The following DRC1 variants were observed in gnomAD, a reference collection of about 807,000 sequenced individuals.
DRC1 encodes the protein dynein regulatory complex subunit 1.
In DRC1, 74 loss-of-function variants were observed where a neutral mutation model predicts 98.7. The observed-to-expected ratio is 0.75, with a 90% CI of 0.62 to 0.91. The LOEUF (loss-of-function observed/expected upper bound fraction) is 0.91, where lower values mean the gene tolerates loss of function less well. Ranked by LOEUF, DRC1 falls within the 40% of genes least tolerant of loss-of-function variation. DRC1 has a pLI of 0.00. For synonymous variants in DRC1, 336 were observed against 334.1 expected (o/e 1.01, Z -0.06); for missense variants, 875 against 886.0 (o/e 0.99, Z 0.16).
rs1036518718 is a variant in DRC1, at chr2:26,429,390, A to G, written c.541-238A>G. The stretch of plus-strand genomic sequence containing the variant: ...ACCACCACATCTGGCTAATTTTTAT[A>G]TTTTTTTGTAGAGACAGAGTTTTGC... On this transcript the variant is annotated intron_variant, in intron 4 of 16. Coordinates refer to ENST00000288710, the MANE Select transcript of DRC1 (RefSeq NM_145038.5). 4.0e-5 allele frequency among the ~76,000 whole-genome samples: 6 copies of G among 151,458 alleles called. No homozygotes were observed. In the East Asian group the frequency reaches 1.2e-3, roughly 29 times the overall value.
In DRC1 at chr2:26,430,827, TAAG is replaced by T. The variant is rs761629871; in HGVS notation, c.726_728del (p.Lys243del). ...AACGCCAAGAGCTACTGGCCAGTAATAAGAAGAAATGGGAGCAAGCCCTTCAGG... is the reference window on the plus strand; with the variant it reads ...AACGCCAAGAGCTACTGGCCAGTAATAAGAAATGGGAGCAAGCCCTTCAGG... On this transcript the variant is annotated inframe_deletion, in exon 6 of 17. Transcript: ENST00000288710. 3.7e-6 allele frequency: 6 copies of T among 1,614,116 alleles called. No homozygotes were observed. Among genetic ancestry groups the T allele is most frequent in the Non-Finnish European group, 5.1e-6 (6 of 1,180,016 alleles).
Position 26,429,782 on chromosome 2 carries a change from A to G in DRC1, c.678+17A>G, listed in dbSNP as rs1229896011. 9.9e-6 allele frequency: 16 copies of G among 1,612,884 alleles called. No homozygotes were observed. Among genetic ancestry groups the G allele is most frequent in the Non-Finnish European group, 1.4e-5 (16 of 1,179,296 alleles). On this transcript the variant is annotated intron_variant, in intron 5 of 16. Coordinates refer to ENST00000288710, the MANE Select transcript of DRC1 (RefSeq NM_145038.5). ...AACATTGAGGTAACAGGGTGTGAAA[A>G]GACCTGGTTTCTGCTCTTGGAGGGC...
intron 11 of DRC1, among the ~76,000 whole-genome samples, chr2:26,449,316 T>A (rs1663940039): frequency 6.6e-6 from 1 of 152,208 alleles, no homozygotes; most frequent in African/African-American, 2.4e-5. Context: ...ATGGGCAGTG[T>A]TTGTTTGGAT....
intron 1 of DRC1, among the ~76,000 whole-genome samples, chr2:26,408,670 C>T (rs1678499787): frequency 6.6e-6 from 1 of 152,112 alleles, no homozygotes; most frequent in Non-Finnish European, 1.5e-5. Context: ...ACTTGGGAGG[C>T]TGAGGCACGA....
At chr2:26,442,369 A>C (rs1663740309) in intron 8 of DRC1, among the ~76,000 whole-genome samples, 1 of 152,222 alleles carries the variant, frequency 6.6e-6, no homozygotes, top group Admixed American at 6.5e-5. Flanking sequence ...AGCCAAGCGC[A>C]GTGGCTTCTC....
chr2:26,434,579 G>T (rs1663521832), intron 7 of DRC1, among the ~76,000 whole-genome samples: 1 of 152,112 alleles, frequency 6.6e-6, no homozygotes, highest in African/African-American at 2.4e-5. Flanking sequence ...TGCCCTCAAG[G>T]AACTTATAAT....
Position 26,455,206 on chromosome 2 carries a change from G to C in DRC1, c.2139G>C (p.Ala713=), listed in dbSNP as rs139421793. Residue 713 remains alanine, a synonymous_variant, in exon 16 of 17, where the codon GCG becomes GCC. Coordinates refer to ENST00000288710, the MANE Select transcript of DRC1 (RefSeq NM_145038.5). ...AGCAGCAGAACACAGAGCTGCAGGC[G>C]CTACTGCAGCAGTATCTGAACTCCA... ...SLEQQNTELQ[A]LLQQYLNSKI... 6.2e-7 allele frequency: 1 copy of C among 1,613,878 alleles called. No homozygotes were observed. The highest frequency in any genetic ancestry group is 8.5e-7 in the Non-Finnish European group (1 of 1,180,000).
At chr2:26,421,468 G>A (rs1572361315) in intron 3 of DRC1, 68 bp downstream of exon 3, 26 of 1,358,452 alleles carry the variant, frequency 1.9e-5, no homozygotes, top group Middle Eastern at 3.7e-4. Flanking sequence ...CAGTTCTCCC[G>A]AATTGTTGGA....
intron 11 of DRC1, among the ~76,000 whole-genome samples, chr2:26,449,698 G>C (rs1663949095): frequency 6.6e-6 from 1 of 152,224 alleles, no homozygotes; most frequent in African/African-American, 2.4e-5. Context: ...GGCCTCAGGA[G>C]TTTGCCTAGT....
chr2:26,442,394 A>C (rs888262226), intron 8 of DRC1, among the ~76,000 whole-genome samples: 1 of 152,194 alleles, frequency 6.6e-6, no homozygotes, highest in African/African-American at 2.4e-5. Flanking sequence ...GGCCTCATCT[A>C]TTATGATTGG....
intron 7 of DRC1, among the ~76,000 whole-genome samples, chr2:26,434,220 T>TA (rs1005117828): frequency 3.2e-4 from 49 of 151,006 alleles, no homozygotes; most frequent in African/African-American, 9.7e-4. Flanking sequence ...GTACAAGAAG[T>TA]AAAAAAAAAT....
intron 10 of DRC1, 69 bp downstream of exon 10, chr2:26,445,017 C>A: frequency 6.6e-7 from 1 of 1,507,028 alleles, no homozygotes; most frequent in South Asian, 1.2e-5. Context: ...TCAAGCCAGT[C>A]ACGTTAGAGA....
At chr2:26,417,442 C>T (rs1449669256) in intron 2 of DRC1, among the ~76,000 whole-genome samples, 2 of 152,068 alleles carry the variant, frequency 1.3e-5, no homozygotes, top group African/African-American at 4.8e-5. Flanking sequence ...CATTCTCATG[C>T]CTCAGCCTTC....
intron 13 of DRC1, among the ~76,000 whole-genome samples, chr2:26,452,716 A>G (rs1363437064): frequency 1.3e-5 from 2 of 152,172 alleles, no homozygotes; most frequent in East Asian, 1.9e-4. Context: ...GTGGGAAAAA[A>G]CCAAAGTTCT....
intron 4 of DRC1, 21 bp from the exon 5 acceptor site, chr2:26,429,607 C>CTTT: frequency 1.2e-6 from 2 of 1,611,974 alleles, no homozygotes; most frequent in Non-Finnish European, 1.7e-6. Context: ...TGTGGCCAGA[C>CTTT]TTTTACATGC....
chr2:26,414,199 A>G, intron 1 of DRC1, 145 bp from the exon 2 acceptor site: 1 of 510,872 alleles, frequency 2.0e-6, no homozygotes, highest in South Asian at 5.3e-5. Flanking sequence ...CTGATCTTGA[A>G]CTCCTGGCCT....
intron 3 of DRC1, among the ~76,000 whole-genome samples, chr2:26,421,976 C>G (rs1353172807): frequency 1.3e-5 from 2 of 152,094 alleles, no homozygotes; most frequent in Non-Finnish European, 2.9e-5. Flanking sequence ...ACAGTCTAGT[C>G]AAGAGACACA....
chr2:26,452,004 C>T lies in DRC1; in HGVS notation c.1690-1316C>T, dbSNP rs118056885. 5.9e-4 allele frequency among the ~76,000 whole-genome samples: 89 copies of T among 151,624 alleles called. 1 individual carries two copies. The East Asian group carries it at 7.8e-3, about 13-fold the overall frequency. On this transcript the variant is annotated intron_variant, in intron 13 of 16. Coordinates refer to ENST00000288710, the MANE Select transcript of DRC1 (RefSeq NM_145038.5). ...AGAGGCAATACAGGTAACTCTTAAA[C>T]ATATGAAAAGACAATCAGCCTTCCT...
chr2:26,452,975 G>C (rs1572387285), intron 13 of DRC1, among the ~76,000 whole-genome samples: 1 of 152,308 alleles, frequency 6.6e-6, no homozygotes, highest in East Asian at 1.9e-4. Flanking sequence ...AATAGGAGTA[G>C]GAGGAAGACC....
Sources: gnomAD v4.1 joint callset for allele counts (sites outside exome capture counted in the v4.1 genomes callset) on GRCh38, gnomAD v4.1.1 for gene constraint, MANE v1.5 for transcripts, NCBI Gene and HGNC (gene_info 2026-07-23, HGNC 2026-07-21) for gene names.